The following PPIC variants were observed in gnomAD, a reference collection of about 807,000 sequenced individuals.
The protein encoded by PPIC is peptidyl-prolyl cis-trans isomerase C.
Under a neutral mutation model 19.5 loss-of-function variants are expected in PPIC, and 19 were observed. That is an observed-to-expected ratio of 0.98 (90% CI 0.68 to 1.43). PPIC has a LOEUF of 1.43. Ranked by LOEUF, PPIC falls within the 40% of genes most tolerant of loss-of-function variation. PPIC has a pLI of 0.00. For synonymous variants in PPIC, 107 were observed against 101.2 expected, an observed-to-expected ratio of 1.06 and a Z score of -0.34; for missense variants, 268 against 268.6, an observed-to-expected ratio of 1.00 and a Z score of 0.02.
Position 123,023,827 on chromosome 5 carries a change from C to CACGT in PPIC, c.*47_*48insACGT. On this transcript the variant is annotated 3_prime_UTR_variant, in exon 5 of 5. Transcript: ENST00000306442. The stretch of plus-strand genomic sequence containing the variant: ...AACACAACACACACACACACACACA[C>CACGT]ACACACACACCCCTGCCAAAGCATA... 1.2e-6 allele frequency: 2 copies of CACGT among 1,605,164 alleles called. No individual in the cohort carries two copies. Among genetic ancestry groups the CACGT allele is most frequent in the Middle Eastern group, 1.9e-4 (1 of 5,218 alleles).
Position 123,023,439 on chromosome 5 carries a change from A to G in PPIC, c.*436T>C, listed in dbSNP as rs980589450. ...CAAAGCACCCTTTTGTCAGAAAGAA[A>G]TCCCTATGACATATCTCAGATTACA... On this transcript the variant is annotated 3_prime_UTR_variant, in exon 5 of 5. Coordinates refer to ENST00000306442, the MANE Select transcript of PPIC (RefSeq NM_000943.5). 1 of 152,774 alleles carries G rather than the reference A, an allele frequency of 6.5e-6. No individual in the cohort carries two copies. The highest frequency in any genetic ancestry group is 2.4e-5 in the African/African-American group (1 of 41,456). 9.5% of individuals were successfully genotyped at this position (152,774 alleles called of 1,614,324 possible).
At chr5:123,034,931 T>C (rs978158213) in intron 1 of PPIC, among the ~76,000 whole-genome samples, 1 of 152,234 alleles carries the variant, frequency 6.6e-6, no homozygotes, top group Non-Finnish European at 1.5e-5. Context: ...CGAGTATATA[T>C]TGAGATCATG....
Position 123,023,285 on chromosome 5 carries a change from A to G in PPIC, c.*590T>C, listed in dbSNP as rs1762788995. The G allele has an allele frequency of 6.6e-6, 1 of 152,246 alleles. No homozygotes were observed. Among genetic ancestry groups the G allele is most frequent in the Non-Finnish European group, 1.5e-5 (1 of 68,046 alleles). 9.4% of individuals were successfully genotyped at this position (152,246 alleles called of 1,614,324 possible). Reference sequence around the variant, plus strand: ...TAATTATGTTTGTAGTTTGATTTATAAAATCTTTCTAATCTGTTCACTGTT... The same window carrying G: ...TAATTATGTTTGTAGTTTGATTTATGAAATCTTTCTAATCTGTTCACTGTT... On this transcript the variant is annotated 3_prime_UTR_variant, in exon 5 of 5. Coordinates refer to ENST00000306442, the MANE Select transcript of PPIC (RefSeq NM_000943.5).
intron 3 of PPIC, 112 bp downstream of exon 3, chr5:123,028,663 G>A (rs557752704): frequency 4.8e-4 from 380 of 794,886 alleles, no homozygotes; most frequent in Non-Finnish European, 6.6e-4. Flanking sequence ...AGGTACAGTC[G>A]TCTTTACAAC....
chr5:123,026,975 G>T (rs978574686), intron 3 of PPIC, among the ~76,000 whole-genome samples: 2 of 151,998 alleles, frequency 1.3e-5, no homozygotes, highest in Non-Finnish European at 2.9e-5. Flanking sequence ...CGGGCAGATC[G>T]CAAGGCCAGG....
chr5:123,030,073 G>A (rs1174311458), intron 1 of PPIC, among the ~76,000 whole-genome samples: 2 of 152,168 alleles, frequency 1.3e-5, no homozygotes, highest in South Asian at 2.1e-4. Flanking sequence ...GGGTCATCAC[G>A]CTGACAAAGC....
In PPIC at chr5:123,023,866, C is replaced by A; in HGVS notation, c.*9G>T. ...TGCCAAAGCATATCCTTGTTTTCTG[C>A]CAGTTGTGTCACCAATCAGCGATCT... On this transcript the variant is annotated 3_prime_UTR_variant, in exon 5 of 5. Coordinates refer to ENST00000306442, the MANE Select transcript of PPIC (RefSeq NM_000943.5). 1 of 1,607,862 alleles carries A rather than the reference C, an allele frequency of 6.2e-7. No homozygotes were observed.
intron 1 of PPIC, among the ~76,000 whole-genome samples, chr5:123,033,770 G>A (rs1158446174): frequency 6.6e-6 from 1 of 152,188 alleles, no homozygotes; most frequent in East Asian, 1.9e-4. Context: ...AGGCCATCTA[G>A]CCACAGCCTC....
chr5:123,036,529 C>G lies in PPIC; in HGVS notation c.97G>C (p.Gly33Arg). 1 of 1,606,686 alleles carries G rather than the reference C, an allele frequency of 6.2e-7. No homozygotes were observed. Among genetic ancestry groups the G allele is most frequent in the South Asian group, 1.1e-5 (1 of 89,902 alleles). Reference protein sequence around the residue: ...SSGAEGFRKRGPSVTAKVFFD... With the variant: ...SSGAEGFRKRRPSVTAKVFFD... ...GTCACCTTGGCCGTCACCGAGGGGC[C>G]TCGCTTGCGGAAGCCCTCGGCCCCC... Residue 33 changes from glycine to arginine, a missense_variant, in exon 1 of 5, where the codon GGC becomes CGC. Transcript: ENST00000306442. This position sits in a 1 kb window ranked among gnomAD's most constrained non-coding sequence, Gnocchi z 4.5.
chr5:123,033,855 C>T (rs1762971174), intron 1 of PPIC, among the ~76,000 whole-genome samples: 1 of 152,256 alleles, frequency 6.6e-6, no homozygotes, highest in African/African-American at 2.4e-5. Flanking sequence ...TTATTTCATA[C>T]ACTCCCGATG....
chr5:123,023,781 A>C lies in PPIC; in HGVS notation c.*94T>G. ...GAATACAAAAAGAAAGTAAAAAAAAAAAAGCAAATAATTGAAAGACAACAC... is the reference window on the plus strand; with the variant it reads ...GAATACAAAAAGAAAGTAAAAAAAACAAAGCAAATAATTGAAAGACAACAC... On this transcript the variant is annotated 3_prime_UTR_variant, in exon 5 of 5. Coordinates refer to ENST00000306442, the MANE Select transcript of PPIC (RefSeq NM_000943.5). 7.1e-7 allele frequency: 1 copy of C among 1,402,062 alleles called. No homozygotes were observed. Among genetic ancestry groups the C allele is most frequent in the Non-Finnish European group, 9.4e-7 (1 of 1,068,030 alleles). The allele number at this position is 1,402,062 out of a possible 1,614,324, so 86.9% of individuals were successfully genotyped here.
intron 3 of PPIC, among the ~76,000 whole-genome samples, chr5:123,027,862 G>T (rs1762884131): frequency 6.6e-6 from 1 of 152,190 alleles, no homozygotes; most frequent in African/African-American, 2.4e-5. Context: ...TTCAAGAAAA[G>T]AACTAAACTT....
chr5:123,028,938 T>G, intron 2 of PPIC, 70 bp from the exon 3 acceptor site: 1 of 1,312,356 alleles, frequency 7.6e-7, no homozygotes, highest in Non-Finnish European at 1.1e-6. Flanking sequence ...AGTGTTGATC[T>G]AGAAAGGACA....
chr5:123,033,117 G>C (rs1173162786), intron 1 of PPIC, among the ~76,000 whole-genome samples: 1 of 152,206 alleles, frequency 6.6e-6, no homozygotes, highest in Non-Finnish European at 1.5e-5. Flanking sequence ...ACTTCAGCAA[G>C]TTAATTAAAC....
chr5:123,028,731 A>G (rs1762898760), intron 3 of PPIC, 44 bp downstream of exon 3: 3 of 1,505,866 alleles, frequency 2.0e-6, no homozygotes, highest in Non-Finnish European at 2.8e-6. Flanking sequence ...TTAACCTTAG[A>G]TTTCGGTTTG....
In PPIC at chr5:123,036,513, G is replaced by A. The variant is rs1763016189; in HGVS notation, c.113C>T (p.Ala38Val). The change falls in exon 1 of 5, where the codon GCC becomes GTC. Residue 38 changes from alanine to valine, a missense_variant. Ala to Val is a moderately conservative substitution (Grantham distance 64). Transcript: ENST00000306442. The surrounding 1 kb of genome is among the most constrained non-coding windows in gnomAD (Gnocchi z 4.5). The stretch of plus-strand genomic sequence containing the variant: ...CAGCCCGCCGCTCTCGGTCACCTTG[G>A]CCGTCACCGAGGGGCCTCGCTTGCG... ...GFRKRGPSVT[A>V]KVFFDVRIGD... is the part of the protein sequence containing the mutation. 6.2e-7 allele frequency: 1 copy of A among 1,606,058 alleles called. No individual in the cohort carries two copies. Among genetic ancestry groups the A allele is most frequent in the South Asian group, 1.1e-5 (1 of 90,052 alleles).
At chr5:123,025,519 T>G (rs950649323) in intron 4 of PPIC, among the ~76,000 whole-genome samples, 1 of 152,180 alleles carries the variant, frequency 6.6e-6, no homozygotes, top group African/African-American at 2.4e-5. Context: ...TATATATTGG[T>G]TCCATTAAAA....
intron 1 of PPIC, 132 bp from the exon 2 acceptor site, chr5:123,029,550 T>C: frequency 1.4e-6 from 2 of 1,390,104 alleles, no homozygotes; most frequent in Non-Finnish European, 1.9e-6. Flanking sequence ...TAAAGGAGCA[T>C]GACATCAATT....
chr5:123,031,474 C>G lies in PPIC; in HGVS notation c.118-2056G>C, dbSNP rs1403780118. Among the ~76,000 whole-genome samples, 3 of 152,222 alleles carry G rather than the reference C, an allele frequency of 2.0e-5. No homozygotes were observed. The East Asian group carries it at 5.8e-4, about 29-fold the overall frequency. On this transcript the variant is annotated intron_variant, in intron 1 of 4. Transcript: ENST00000306442. ...GGCAGACTTCTTTCTGGAACCAATG[C>G]ACCTAGGCAGGAAATGTGACCTGTG...
Sources: allele counts gnomAD v4.1 joint callset (sites outside exome capture counted in the v4.1 genomes callset), GRCh38; gene constraint gnomAD v4.1.1; non-coding constraint Gnocchi (gnomAD v3.1); transcripts MANE v1.5; gene names NCBI Gene and HGNC (gene_info 2026-07-23, HGNC 2026-07-21).